ADAMTSL1: variants seen among roughly 807,000 people sequenced by gnomAD.
The protein encoded by ADAMTSL1 is ADAMTS like 1, also known as ADAMTS-like protein 1.
A neutral mutation model predicts 201.8 loss-of-function variants in ADAMTSL1; 126 were observed. The ratio of observed to expected loss-of-function variants is 0.62; its 90% CI spans 0.54 to 0.72. The LOEUF is 0.72. Among genes scored for constraint, ADAMTSL1 ranks in the 30% least tolerant of loss-of-function variants. The probability of loss-of-function intolerance (pLI) is 0.00; values close to 1 mark genes in which losing one functional copy is unlikely to be tolerated. For missense variants in ADAMTSL1, 2,679 were observed against 2,277.8 expected (o/e 1.18, Z -3.59); for synonymous variants, 1,121 against 903.4 (o/e 1.24, Z -4.32).
In ADAMTSL1 at chr9:18,616,406, A is replaced by T. The variant is rs574345601; in HGVS notation, c.475-5837A>T. On this transcript the variant is annotated intron_variant, in intron 4 of 28. Transcript: ENST00000380548. ...GAGCCACCTCTTTGAAACTGCTTGT[A>T]TGTATTTGCTCAGATGTTATTGGGA... Among the ~76,000 whole-genome samples the T allele has an allele frequency of 2.6e-5, 4 of 152,298 alleles. No homozygotes were observed. The East Asian group carries it at 7.7e-4, about 29-fold the overall frequency.
intron 1 of ADAMTSL1, among the ~76,000 whole-genome samples, chr9:18,481,460 G>T (rs567386859): frequency 5.3e-5 from 8 of 151,474 alleles, no homozygotes; most frequent in African/African-American, 1.9e-4. Flanking sequence ...AATCTCTACA[G>T]TGAAGAGCTT....
intron 1 of ADAMTSL1, among the ~76,000 whole-genome samples, chr9:18,490,382 A>G (rs1587360120): frequency 6.6e-6 from 1 of 152,046 alleles, no homozygotes; most frequent in African/African-American, 2.4e-5. Flanking sequence ...AGGAGGCTGG[A>G]GAAAGGGGAA....
rs1158870479 is a variant in ADAMTSL1 at position 17,909,490 on chromosome 9, T to C, written c.87+2568T>C. On this transcript the variant is annotated intron_variant, in intron 1 of 29. Transcript: ENST00000680146. Reference sequence around the variant, plus strand: ...TAAGTCTTTAATCATCTTGAATTGATTTTCGTATAAGGTGTAAGGAAGGGA... The same window carrying C: ...TAAGTCTTTAATCATCTTGAATTGACTTTCGTATAAGGTGTAAGGAAGGGA... Among the ~76,000 whole-genome samples, 2 of 91,314 alleles carry C rather than the reference T, an allele frequency of 2.2e-5. 1 individual carries two copies. Among genetic ancestry groups the C allele is most frequent in the Non-Finnish European group, 5.5e-5 (2 of 36,504 alleles). 59.9% of individuals were successfully genotyped at this position (91,314 alleles called of 152,430 possible). A position where few individuals can be genotyped will look rare whatever the true frequency, so the allele number is the denominator to read the frequency against.
intron 1 of ADAMTSL1, among the ~76,000 whole-genome samples, chr9:18,002,937 A>G (rs186163306): frequency 6.6e-6 from 1 of 151,996 alleles, no homozygotes; most frequent in Non-Finnish European, 1.5e-5. Context: ...GTGACTGCGG[A>G]CCCACTGCCA....
chr9:18,879,229 G>A (rs187531072), intron 23 of ADAMTSL1, among the ~76,000 whole-genome samples: 4 of 152,240 alleles, frequency 2.6e-5, no homozygotes, highest in South Asian at 4.1e-4. Context: ...GCACCTTAAA[G>A]GTTATTTCAT....
rs569458824 is a variant in ADAMTSL1 at position 18,832,241 on chromosome 9, G to A, written c.4249+2264G>A. Among the ~76,000 whole-genome samples, 9 of 152,276 alleles carry A rather than the reference G, an allele frequency of 5.9e-5. No individual in the cohort carries two copies. In the East Asian group the frequency reaches 1.7e-3, roughly 29 times the overall value. ...CAGCTAGTACCTCATCCTGGTCTTAGTCCAGTGGCTCCCATCTGGACAAGC... is the reference window on the plus strand; with the variant it reads ...CAGCTAGTACCTCATCCTGGTCTTAATCCAGTGGCTCCCATCTGGACAAGC... On this transcript the variant is annotated intron_variant, in intron 23 of 28. Coordinates refer to ENST00000380548, the MANE Select transcript of ADAMTSL1 (RefSeq NM_001040272.6).
At chr9:18,905,632 T>G in intron 26 of ADAMTSL1, 150 bp from the exon 27 acceptor site, 1 of 617,196 alleles carries the variant, frequency 1.6e-6, no homozygotes, top group Non-Finnish European at 2.9e-6. Context: ...GTGAGTGTCT[T>G]TTAGTTAGCC....
At chr9:18,607,526 A>G (rs1205589361) in intron 4 of ADAMTSL1, among the ~76,000 whole-genome samples, 3 of 151,980 alleles carry the variant, frequency 2.0e-5, no homozygotes, top group Non-Finnish European at 4.4e-5. Context: ...TACATTTGAA[A>G]CTATAATCTT....
Position 18,502,547 on chromosome 9 carries a change from A to G in ADAMTSL1, c.64-2282A>G, listed in dbSNP as rs927239988. Among the ~76,000 whole-genome samples the G allele has an allele frequency of 2.0e-5, 3 of 152,304 alleles. 1 individual carries two copies. The South Asian group carries it at 6.2e-4, about 32-fold the overall frequency. On this transcript the variant is annotated intron_variant, in intron 1 of 28. Coordinates refer to ENST00000380548, the MANE Select transcript of ADAMTSL1 (RefSeq NM_001040272.6). ...AGAGTCTTTTCTCTCTCATTGTTTA[A>G]GTTCTGAAAACAGAGCACCTCTTAT...
chr9:18,264,769 A>T (rs1473679912), intron 2 of ADAMTSL1, among the ~76,000 whole-genome samples: 2 of 152,208 alleles, frequency 1.3e-5, no homozygotes, highest in Non-Finnish European at 2.9e-5. Flanking sequence ...CTAAATTTTT[A>T]AAACATCTCT....
chr9:18,148,480 A>C (rs1826758709), intron 1 of ADAMTSL1, among the ~76,000 whole-genome samples: 1 of 152,080 alleles, frequency 6.6e-6, no homozygotes, highest in Non-Finnish European at 1.5e-5. Flanking sequence ...TAAAATTTGC[A>C]ACCTCTATGA....
At chr9:18,582,213 G>A (rs1191193366) in intron 4 of ADAMTSL1, among the ~76,000 whole-genome samples, 1 of 152,144 alleles carries the variant, frequency 6.6e-6, no homozygotes, top group Non-Finnish European at 1.5e-5. Flanking sequence ...ACCTAAATAA[G>A]CTGAAAATGT....
intron 17 of ADAMTSL1, among the ~76,000 whole-genome samples, chr9:18,773,585 G>T (rs1199009532): frequency 1.3e-5 from 2 of 152,194 alleles, no homozygotes; most frequent in African/African-American, 2.4e-5. Flanking sequence ...AGGGGTCTCA[G>T]ATCTCCAACG....
At chr9:18,315,616 G>T (rs922879315) in intron 2 of ADAMTSL1, among the ~76,000 whole-genome samples, 1 of 152,098 alleles carries the variant, frequency 6.6e-6, no homozygotes, top group Non-Finnish European at 1.5e-5. Flanking sequence ...CGGGCCGGCC[G>T]CTCTGAGTGC....
chr9:18,349,130 C>A (rs1835851451), intron 2 of ADAMTSL1, among the ~76,000 whole-genome samples: 1 of 152,080 alleles, frequency 6.6e-6, no homozygotes, highest in Admixed American at 6.5e-5. Flanking sequence ...TGCTCTTAAC[C>A]ATCACACTGA....
chr9:18,197,881 G>A (rs909750126), intron 2 of ADAMTSL1, among the ~76,000 whole-genome samples: 20 of 151,802 alleles, frequency 1.3e-4, no homozygotes, highest in African/African-American at 4.6e-4. Flanking sequence ...CAGTAACGAA[G>A]ACAGCATGGT....
At chr9:17,908,686 G>C (rs1825817718) in intron 1 of ADAMTSL1, among the ~76,000 whole-genome samples, 1 of 152,142 alleles carries the variant, frequency 6.6e-6, no homozygotes, top group Non-Finnish European at 1.5e-5. Context: ...TCAAACTCCT[G>C]GTCTCAGGTG....
At chr9:18,272,973 G>A (rs1459574833) in intron 2 of ADAMTSL1, among the ~76,000 whole-genome samples, 2 of 152,152 alleles carry the variant, frequency 1.3e-5, no homozygotes, top group African/African-American at 4.8e-5. Context: ...GAATTATAAA[G>A]TAACAGTGGG....
At chr9:18,726,704 G>A (rs1165654229) in intron 15 of ADAMTSL1, among the ~76,000 whole-genome samples, 1 of 152,180 alleles carries the variant, frequency 6.6e-6, no homozygotes, top group African/African-American at 2.4e-5. Flanking sequence ...GGAGAATTAA[G>A]TAAGCAATGA....
Sources: gnomAD v4.1 joint callset for allele counts (sites outside exome capture counted in the v4.1 genomes callset) on GRCh38, gnomAD v4.1.1 for gene constraint, MANE v1.5 for transcripts, NCBI Gene and HGNC (gene_info 2026-07-23, HGNC 2026-07-21) for gene names.